The following NF1 variants were observed in gnomAD, a reference collection of about 807,000 sequenced individuals.
The protein encoded by NF1 is neurofibromin 1.
NF1 carries 122 observed loss-of-function variants against 325.7 expected under a neutral mutation model. That is an observed-to-expected ratio of 0.37 (90% confidence interval 0.32 to 0.44). NF1 has a LOEUF of 0.44. NF1 is among the 20% of genes least tolerant of loss of function. The probability of loss-of-function intolerance (pLI) is 1.00; values close to 1 mark genes in which losing one functional copy is unlikely to be tolerated. For missense variants in NF1, 2,140 were observed against 3,415.4 expected (o/e 0.63, Z 9.31); for synonymous variants, 1,091 against 1,186.0 (o/e 0.92, Z 1.65).
intron 36 of NF1, among the ~76,000 whole-genome samples, chr17:31,310,956 T>C (rs1242760758): frequency 6.6e-6 from 1 of 151,556 alleles, no homozygotes; most frequent in Non-Finnish European, 1.5e-5. Flanking sequence ...TTTTTTTTTT[T>C]TCCGTTTGGA....
intron 1 of NF1, among the ~76,000 whole-genome samples, chr17:31,120,569 C>T (rs1271243298): frequency 6.6e-6 from 1 of 152,180 alleles, no homozygotes; most frequent in East Asian, 1.9e-4. Context: ...AGTTTGACTT[C>T]ATCTTTTCCT....
intron 1 of NF1, among the ~76,000 whole-genome samples, chr17:31,152,369 T>G (rs1917005246): frequency 6.6e-6 from 1 of 151,756 alleles, no homozygotes; most frequent in African/African-American, 2.4e-5. Flanking sequence ...AAAGTTTTCT[T>G]GAATTCTAGT....
rs876658541 is a variant in NF1, at chr17:31,338,092, C to T, written c.6772C>T (p.Arg2258Ter). Residue 2258 changes from arginine to a stop codon, truncating the protein, a stop_gained, in exon 45 of 58, where the codon CGA (arginine) becomes TGA (stop). Transcript: ENST00000358273. LOFTEE classifies it high-confidence loss of function. ...ALVVFGCISKRVSHGQIKQII... is the reference protein window; with the variant it reads ...ALVVFGCISK ...TGTTGTCTTTGGGTGTATTAGCAAACGAGTGTCTCATGGGCAGATAAAGCA... is the reference window on the plus strand; with the variant it reads ...TGTTGTCTTTGGGTGTATTAGCAAATGAGTGTCTCATGGGCAGATAAAGCA... 1.2e-6 allele frequency: 2 copies of T among 1,613,886 alleles called. No homozygotes were observed. The highest frequency in any genetic ancestry group is 1.7e-6 in the Non-Finnish European group (2 of 1,179,856).
chr17:31,197,571 G>T (rs781725586), intron 8 of NF1, among the ~76,000 whole-genome samples: 12 of 152,006 alleles, frequency 7.9e-5, no homozygotes, highest in Non-Finnish European at 1.6e-4. Context: ...GCTATCGTAA[G>T]TGGAATTGTT....
intron 36 of NF1, among the ~76,000 whole-genome samples, chr17:31,289,614 G>A (rs8078423): frequency 0.11 from 16,840 of 151,798 alleles, 2,532 homozygotes; most frequent in African/African-American, 0.34. Flanking sequence ...TAATATTTGC[G>A]TTTTCCACAT....
At chr17:31,264,128 G>A (rs1255674039) in intron 35 of NF1, among the ~76,000 whole-genome samples, 1 of 152,194 alleles carries the variant, frequency 6.6e-6, no homozygotes, top group African/African-American at 2.4e-5. Context: ...GCCGAGTGCG[G>A]TGACTCACGC....
At chr17:31,101,027 CG>C (rs1912278111) in intron 1 of NF1, among the ~76,000 whole-genome samples, 1 of 152,026 alleles carries the variant, frequency 6.6e-6, no homozygotes, top group South Asian at 2.1e-4. Context: ...GGAAATCAGA[CG>C]TTTACTTGGT....
chr17:31,315,682 A>G (rs761536343), intron 36 of NF1, among the ~76,000 whole-genome samples: 3 of 152,200 alleles, frequency 2.0e-5, no homozygotes, highest in Non-Finnish European at 4.4e-5. Flanking sequence ...CCTAATTTAT[A>G]AGCTTATTGT....
intron 1 of NF1, chr17:31,137,165 A>G (rs1915843708): frequency 6.6e-6 from 1 of 152,120 alleles, no homozygotes; most frequent in South Asian, 2.1e-4. Flanking sequence ...GTTTGTAGGT[A>G]TATGGATCTC....
chr17:31,279,647 A>G (rs983406063), intron 36 of NF1, among the ~76,000 whole-genome samples: 12 of 152,222 alleles, frequency 7.9e-5, no homozygotes, highest in Admixed American at 3.3e-4. Flanking sequence ...TGGATATGCA[A>G]AAAGACAGGC....
chr17:31,159,123 T>G (rs775567876), intron 3 of NF1, 30 bp downstream of exon 3: 16 of 1,434,386 alleles, frequency 1.1e-5, no homozygotes, highest in Non-Finnish European at 1.6e-5. Context: ...GTAGGCAGGC[T>G]TTGTGAATTT....
intron 1 of NF1, among the ~76,000 whole-genome samples, chr17:31,107,077 A>T (rs555840538): frequency 2.0e-5 from 3 of 151,970 alleles, no homozygotes; most frequent in African/African-American, 4.8e-5. Flanking sequence ...CTTTTTCCCT[A>T]TAACAACCCT....
intron 8 of NF1, among the ~76,000 whole-genome samples, chr17:31,193,342 T>A (rs1324431087): frequency 6.6e-6 from 1 of 152,212 alleles, no homozygotes; most frequent in Admixed American, 6.5e-5. Flanking sequence ...AATATACCAT[T>A]TTTTAAAAAA....
At chr17:31,283,449 A>T (rs962071302) in intron 36 of NF1, among the ~76,000 whole-genome samples, 5 of 148,178 alleles carry the variant, frequency 3.4e-5, no homozygotes, top group African/African-American at 1.2e-4. Context: ...ACTAATTACC[A>T]GTTTTTTTGT....
intron 50 of NF1, 28 bp downstream of exon 50, chr17:31,350,346 C>CTCTCCT (rs764609557): frequency 6.3e-7 from 1 of 1,595,212 alleles, no homozygotes; most frequent in Non-Finnish European, 8.6e-7. Flanking sequence ...CCTATAATTA[C>CTCTCCT]ATAATCATAA....
intron 8 of NF1, chr17:31,182,928 C>G: frequency 1.7e-6 from 1 of 597,468 alleles, no homozygotes; most frequent in Non-Finnish European, 3.0e-6. Flanking sequence ...GAAGACTAAA[C>G]GATACCTCTG....
rs59745739 is a variant in NF1 at position 31,236,057 on chromosome 17, GTT to G, written c.3974+48_3974+49del. 4,215 of 1,139,276 alleles carry G rather than the reference GTT, an allele frequency of 3.7e-3. 30 individuals are homozygous for G. Among genetic ancestry groups the G allele is most frequent in the Non-Finnish European group, 4.2e-3 (3,394 of 805,524 alleles). 70.6% of individuals were successfully genotyped at this position (1,139,276 alleles called of 1,614,324 possible). A position where few individuals can be genotyped will look rare whatever the true frequency, so the allele number is the denominator to read the frequency against. ...TTTTCACATAGAACCGCTGTTTTTT[GTT>G]TTTTTTTTTTTGTTTGTTTGTTTTA... is the stretch of plus-strand genomic sequence containing the variant. On this transcript the variant is annotated intron_variant, in intron 29 of 57. Coordinates refer to ENST00000358273, the MANE Select transcript of NF1 (RefSeq NM_001042492.3).
At chr17:31,280,681 G>A (rs1028316976) in intron 36 of NF1, among the ~76,000 whole-genome samples, 4 of 152,036 alleles carry the variant, frequency 2.6e-5, no homozygotes, top group South Asian at 4.2e-4. Flanking sequence ...ATTTGTCACC[G>A]GTATTTTACC....
At chr17:31,296,688 G>T in intron 36 of NF1, 1 of 267,746 alleles carries the variant, frequency 3.7e-6, no homozygotes, top group Non-Finnish European at 7.3e-6. Context: ...TGCAGTTGTA[G>T]GCTATTACTA....
Sources: allele counts gnomAD v4.1 joint callset (sites outside exome capture counted in the v4.1 genomes callset), GRCh38; gene constraint gnomAD v4.1.1; transcripts MANE v1.5; gene names NCBI Gene and HGNC (gene_info 2026-07-23, HGNC 2026-07-21).